LTBP2: variants seen among roughly 807,000 people sequenced by gnomAD.
LTBP2 encodes latent transforming growth factor beta binding protein 2, also known as latent-transforming growth factor beta-binding protein 2.
Under a neutral mutation model 210.6 loss-of-function variants are expected in LTBP2, and 103 were observed. That is an observed-to-expected ratio of 0.49 (90% confidence interval 0.42 to 0.58). The LOEUF (loss-of-function observed/expected upper bound fraction) is 0.58. LTBP2 is among the 20% of genes least tolerant of loss of function. LTBP2 has a pLI of 0.00. For missense variants in LTBP2, 2,313 were observed against 2,494.5 expected (o/e 0.93, Z 1.55); for synonymous variants, 1,007 against 1,015.0 (o/e 0.99, Z 0.15).
chr14:74,546,148 G>A, intron 8 of LTBP2, among the ~76,000 whole-genome samples: 1 of 152,130 alleles, frequency 6.6e-6, no homozygotes, highest in East Asian at 1.9e-4. Context: ...TGATTTGCTA[G>A]AACACTTTAC....
Position 74,500,805 on chromosome 14 carries a change from C to T in LTBP2, c.*79G>A, listed in dbSNP as rs2086899803. 4.4e-6 allele frequency: 7 copies of T among 1,587,924 alleles called. No individual in the cohort carries two copies. In the South Asian group the frequency reaches 7.7e-5, roughly 18 times the overall value. ...CTGGCCTGATGTCACGGTGTCTTCC[C>T]AGCTAGGAAATCATCCTCAAGGCCC... On this transcript the variant is annotated 3_prime_UTR_variant, in exon 36 of 36. Coordinates refer to ENST00000261978, the MANE Select transcript of LTBP2 (RefSeq NM_000428.3).
chr14:74,564,369 A>ATATATATATATTTATATATATATT (rs2087874043), intron 3 of LTBP2, among the ~76,000 whole-genome samples: 2 of 33,458 alleles, frequency 6.0e-5, no homozygotes, highest in Non-Finnish European at 1.8e-4. Flanking sequence ...ATATATATTT[A>ATATATATATATTTATATATATATT]TATATATATA....
At chr14:74,590,825 G>GA (rs2088272729) in intron 2 of LTBP2, among the ~76,000 whole-genome samples, 1 of 151,998 alleles carries the variant, frequency 6.6e-6, no homozygotes, top group Non-Finnish European at 1.5e-5. Flanking sequence ...GTGATACAAT[G>GA]GACTTTAGAG....
chr14:74,584,555 C>T (rs182032270), intron 3 of LTBP2, among the ~76,000 whole-genome samples: 1 of 152,288 alleles, frequency 6.6e-6, no homozygotes, highest in Admixed American at 6.5e-5. Context: ...CGGCACTGCC[C>T]ACCTGCTCAC....
chr14:74,589,506 C>T (rs1021657185), intron 2 of LTBP2, among the ~76,000 whole-genome samples: 2 of 152,200 alleles, frequency 1.3e-5, no homozygotes, highest in African/African-American at 4.8e-5. Context: ...TCTTCATGCC[C>T]AGGCACCTCT....
At chr14:74,502,191 C>T (rs2139685750) in intron 34 of LTBP2, among the ~76,000 whole-genome samples, 1 of 152,212 alleles carries the variant, frequency 6.6e-6, no homozygotes, top group Admixed American at 6.5e-5. Context: ...CATTAGACTC[C>T]AAGGCCTGAG....
chr14:74,605,696 C>A (rs2088516031), intron 1 of LTBP2, among the ~76,000 whole-genome samples: 1 of 152,190 alleles, frequency 6.6e-6, no homozygotes, highest in African/African-American at 2.4e-5. Context: ...GAGGTCATGG[C>A]ATGGAGCCCA....
chr14:74,556,908 A>G (rs1468874426), intron 3 of LTBP2, among the ~76,000 whole-genome samples: 1 of 152,218 alleles, frequency 6.6e-6, no homozygotes, highest in Non-Finnish European at 1.5e-5. Flanking sequence ...TTGTTGTACT[A>G]TTCTATTTTA....
intron 11 of LTBP2, 32 bp downstream of exon 11, chr14:74,528,926 C>T: frequency 6.2e-7 from 1 of 1,607,536 alleles, no homozygotes; most frequent in Non-Finnish European, 8.5e-7. Flanking sequence ...AGCCCCTGGG[C>T]AGTGAAAGCT....
intron 2 of LTBP2, among the ~76,000 whole-genome samples, chr14:74,594,752 T>C (rs1248214386): frequency 2.6e-5 from 4 of 152,208 alleles, no homozygotes; most frequent in Non-Finnish European, 5.9e-5. Context: ...AGAGGGACCC[T>C]GATGTCAGAG....
Position 74,551,195 on chromosome 14 carries a change from G to A in LTBP2, c.1555C>T (p.Pro519Ser). ...TRPPPWLPASPGHSLWDSNNI... is the reference protein window; with the variant it reads ...TRPPPWLPASSGHSLWDSNNI... ...TTGCTGTCCCAGAGGCTGTGGCCAG[G>A]GCTGGCAGGCAGCCAGGGCGGGGGT... The change falls in exon 7 of 36, where the codon CCT becomes TCT. Residue 519 changes from proline to serine, a missense_variant. By Grantham distance (74) the Pro-to-Ser change is moderately conservative. This residue lies in a region of LTBP2 where 1,867 missense variants were observed against 1,976.9 expected (regional missense o/e 0.94). Coordinates refer to ENST00000261978, the MANE Select transcript of LTBP2 (RefSeq NM_000428.3). The A allele has an allele frequency of 1.2e-6, 2 of 1,613,682 alleles. No individual in the cohort carries two copies. The highest frequency in any genetic ancestry group is 1.7e-6 in the Non-Finnish European group (2 of 1,179,978).
intron 13 of LTBP2, among the ~76,000 whole-genome samples, chr14:74,526,498 G>C (rs1231894090): frequency 6.6e-6 from 1 of 152,222 alleles, no homozygotes; most frequent in Non-Finnish European, 1.5e-5. Context: ...GGCCAGAGTG[G>C]GGAAGCTGGG....
intron 9 of LTBP2, among the ~76,000 whole-genome samples, chr14:74,534,117 T>C (rs974772482): frequency 6.6e-6 from 1 of 152,136 alleles, no homozygotes; most frequent in Non-Finnish European, 1.5e-5. Flanking sequence ...AAGGTGCTAC[T>C]GAGAAATGGG....
intron 8 of LTBP2, among the ~76,000 whole-genome samples, chr14:74,541,701 C>A (rs775304974): frequency 6.6e-6 from 1 of 151,950 alleles, no homozygotes; most frequent in Admixed American, 6.5e-5. Flanking sequence ...AGTAGAAAAC[C>A]TAGCACCCTT....
intron 8 of LTBP2, among the ~76,000 whole-genome samples, chr14:74,540,869 AT>A (rs2087495343): frequency 2.8e-5 from 2 of 71,422 alleles, no homozygotes; most frequent in African/African-American, 4.5e-5. Flanking sequence ...ATATATATTT[AT>A]ATATATAATA....
intron 6 of LTBP2, among the ~76,000 whole-genome samples, chr14:74,551,652 G>GT (rs1192476371): frequency 2.0e-5 from 3 of 152,030 alleles, no homozygotes; most frequent in Non-Finnish European, 4.4e-5. Context: ...CTCCTGCATG[G>GT]CCCCACCTCC....
At chr14:74,607,095 G>C (rs577565331) in intron 1 of LTBP2, among the ~76,000 whole-genome samples, 86 of 152,338 alleles carry the variant, frequency 5.6e-4, no homozygotes, top group African/African-American at 1.9e-3. Context: ...AAAGTGGGAT[G>C]AGCCACTGAG....
In LTBP2 at chr14:74,503,303, GC is replaced by G; in HGVS notation, c.4803del (p.His1602ThrfsTer139). ...TNDVCSEPLR[G>X]HRTTYTECCC... ...CAGCATTCCGTGTAGGTGGTGCGGT[GC>G]CCACGCAGGGGTTCGCTGCACACAT... On this transcript the variant is annotated frameshift_variant, in exon 33 of 36. Transcript: ENST00000261978. LOFTEE classifies it high-confidence loss of function. The G allele has an allele frequency of 6.2e-7, 1 of 1,614,040 alleles. No individual in the cohort carries two copies.
chr14:74,573,223 G>C (rs906231714), intron 3 of LTBP2, among the ~76,000 whole-genome samples: 1 of 152,210 alleles, frequency 6.6e-6, no homozygotes. Flanking sequence ...TTCTGAAGTC[G>C]AGGAGAGCTA....
Sources: allele counts gnomAD v4.1 joint callset (sites outside exome capture counted in the v4.1 genomes callset), GRCh38; gene constraint gnomAD v4.1.1; regional missense constraint gnomAD v4.1.1; transcripts MANE v1.5; gene names NCBI Gene and HGNC (gene_info 2026-07-23, HGNC 2026-07-21).